Variants in SYCP2 observed in about 807,000 individuals in gnomAD.
SYCP2 encodes the protein synaptonemal complex protein 2.
A neutral mutation model predicts 211.3 loss-of-function variants in SYCP2; 55 were observed. That is an observed-to-expected ratio of 0.26 (90% CI 0.21 to 0.33). The LOEUF (loss-of-function observed/expected upper bound fraction) is 0.33. SYCP2 is among the 10% of genes least tolerant of loss of function. SYCP2 has a pLI of 1.00. For missense variants in SYCP2, 1,731 were observed against 1,752.0 expected (o/e 0.99, Z 0.21); for synonymous variants, 570 against 555.2 (o/e 1.03, Z -0.37).
At position 59,882,175 on chromosome 20, in the gene SYCP2, G is replaced by C. The variant is rs1209268939; in HGVS notation, c.2530-10C>G. 6.2e-7 allele frequency: 1 copy of C among 1,600,294 alleles called. No individual in the cohort carries two copies. Among genetic ancestry groups the C allele is most frequent in the Non-Finnish European group, 8.5e-7 (1 of 1,169,860 alleles). On this transcript the variant is annotated splice_polypyrimidine_tract_variant and intron_variant, in intron 26 of 44. Transcript: ENST00000357552. ...TTTTCTGAACTTTTTCCTGAAAAGA[G>C]GGTTATAAAAAAATCATTAAATGGC...
At chr20:59,900,047 A>G in intron 18 of SYCP2, 91 bp downstream of exon 18, 1 of 1,346,460 alleles carries the variant, frequency 7.4e-7, no homozygotes, top group Non-Finnish European at 1.1e-6. Context: ...CCAATAATAT[A>G]TAAATTCTAG....
At position 59,890,444 on chromosome 20, in the gene SYCP2, T is replaced by G. The variant is rs138111292; in HGVS notation, c.2364+1546A>C. On this transcript the variant is annotated intron_variant, in intron 24 of 44. Coordinates refer to ENST00000357552, the MANE Select transcript of SYCP2 (RefSeq NM_014258.4). The stretch of plus-strand genomic sequence containing the variant: ...GGATAGCATTAGGAGAAATACCTAA[T>G]GTAGATGATGGGTTGATGGGTGCTG... 7.3e-3 allele frequency among the ~76,000 whole-genome samples: 1,115 copies of G among 152,212 alleles called. 18 individuals are homozygous for G. Among genetic ancestry groups the G allele is most frequent in the African/African-American group, 0.025 (1,054 of 41,520 alleles).
chr20:59,922,333 T>C, intron 3 of SYCP2, 57 bp downstream of exon 3: 3 of 1,509,702 alleles, frequency 2.0e-6, no homozygotes, highest in Non-Finnish European at 2.7e-6. Context: ...TACCTATAAG[T>C]AAACAAAAAG....
Position 59,882,092 on chromosome 20 carries a change from T to C in SYCP2, c.2600+3A>G. The C allele has an allele frequency of 6.2e-7, 1 of 1,612,150 alleles. No individual in the cohort carries two copies. Among genetic ancestry groups the C allele is most frequent in the Non-Finnish European group, 8.5e-7 (1 of 1,178,904 alleles). ...AATGAAAAATATTACAAAAAATACT[T>C]ACACTGGGCATTCAGAAGTAACATT... On this transcript the variant is annotated splice_donor_region_variant and intron_variant, in intron 27 of 44. Transcript: ENST00000357552.
At chr20:59,921,987 C>T (rs2060550610) in intron 3 of SYCP2, among the ~76,000 whole-genome samples, 1 of 151,582 alleles carries the variant, frequency 6.6e-6, no homozygotes, top group Non-Finnish European at 1.5e-5. Context: ...AACAAATGTT[C>T]ATACTACAAC....
chr20:59,874,488 A>C (rs1274255135), intron 34 of SYCP2, among the ~76,000 whole-genome samples: 3 of 152,064 alleles, frequency 2.0e-5, no homozygotes, highest in African/African-American at 7.2e-5. Flanking sequence ...TGCTGGAATA[A>C]ATCTTAATAT....
Position 59,865,728 on chromosome 20 carries a change from TTTTAA to T in SYCP2, c.4379+74_4379+78del, listed in dbSNP as rs2059318989. 5 of 1,080,182 alleles carry T rather than the reference TTTTAA, an allele frequency of 4.6e-6. No homozygotes were observed. In the South Asian group the frequency reaches 7.7e-5, roughly 17 times the overall value. The allele number at this position is 1,080,182 out of a possible 1,614,324, so 66.9% of individuals were successfully genotyped here. A position where few individuals can be genotyped will look rare whatever the true frequency, so the allele number is the denominator to read the frequency against. On this transcript the variant is annotated intron_variant, in intron 42 of 44. Coordinates refer to ENST00000357552, the MANE Select transcript of SYCP2 (RefSeq NM_014258.4). ...GAGTGCTATAATATAGTATATATAA[TTTTAA>T]TTTTTCAAATAGAAATTTATTAATT... is the stretch of plus-strand genomic sequence containing the variant.
chr20:59,907,246 AC>A lies in SYCP2; in HGVS notation c.1033+117del, dbSNP rs551558558. ...GTGTTTGATGAATTTCTGAATGTGA[AC>A]CTCTGAAAATATTGATTTTGCTTTC... On this transcript the variant is annotated intron_variant, in intron 15 of 44. Coordinates refer to ENST00000357552, the MANE Select transcript of SYCP2 (RefSeq NM_014258.4). 7 of 675,364 alleles carry A rather than the reference AC, an allele frequency of 1.0e-5. No individual in the cohort carries two copies. In the East Asian group the frequency reaches 2.0e-4, roughly 19 times the overall value. The allele number at this position is 675,364 out of a possible 1,614,324, so 41.8% of individuals were successfully genotyped here.
chr20:59,913,071 C>T (rs1475735022), intron 12 of SYCP2, among the ~76,000 whole-genome samples: 5 of 152,160 alleles, frequency 3.3e-5, no homozygotes, highest in African/African-American at 1.2e-4. Flanking sequence ...CAAATATGAG[C>T]AGAGTTTCCT....
In SYCP2 at chr20:59,882,126, T is replaced by C. The variant is rs200626576; in HGVS notation, c.2569A>G (p.Thr857Ala). The change falls in exon 27 of 45, where the codon ACC (threonine) becomes GCC (alanine). Residue 857 changes from threonine to alanine, a missense_variant. This residue lies in a region of SYCP2 where 1,387 missense variants were observed against 1,351.3 expected (regional missense o/e 1.03). Transcript: ENST00000357552. ...QKKSYRKLKTTFVNVTSECPV... is the reference protein window; with the variant it reads ...QKKSYRKLKTAFVNVTSECPV... The stretch of plus-strand genomic sequence containing the variant: ...CATTCAGAAGTAACATTAACAAAGG[T>C]AGTCTTCAGTTTTCTGTAGCTTTTT... The C allele has an allele frequency of 3.7e-4, 589 of 1,612,812 alleles. 2 individuals are homozygous for C. The highest frequency in any genetic ancestry group is 7.6e-5 in the Non-Finnish European group (90 of 1,179,454).
At chr20:59,886,053 A>G in intron 25 of SYCP2, 89 bp from the exon 26 acceptor site, 1 of 997,372 alleles carries the variant, frequency 1.0e-6, no homozygotes. Flanking sequence ...TTTGTCACTA[A>G]ATTTATATTC....
chr20:59,911,054 A>C (rs2060313431), intron 14 of SYCP2, among the ~76,000 whole-genome samples: 1 of 152,210 alleles, frequency 6.6e-6, no homozygotes, highest in Non-Finnish European at 1.5e-5. Flanking sequence ...GACTAAAAAG[A>C]CTAAAGCCTT....
Position 59,873,986 on chromosome 20 carries a change from T to C in SYCP2, c.3425A>G (p.Lys1142Arg). ...ATTTAAGGATTCAAGTGATGAAGTT[T>C]TTGGATAAGGTGATATAGATTTTGT... is the stretch of plus-strand genomic sequence containing the variant. ...CITKSISPYP[K>R]TSSLESLNSN... Residue 1142 changes from lysine to arginine, a missense_variant, in exon 35 of 45, where the codon AAA becomes AGA. By Grantham distance (26) the Lys-to-Arg change is conservative (BLOSUM62 2). Around this residue, in one of 3 missense-constraint regions of SYCP2, gnomAD observed 1,387 missense variants for 1,351.3 expected, o/e 1.03. Transcript: ENST00000357552. The C allele has an allele frequency of 1.2e-6, 2 of 1,613,208 alleles. No individual in the cohort carries two copies. Among genetic ancestry groups the C allele is most frequent in the Non-Finnish European group, 1.7e-6 (2 of 1,179,526 alleles).
chr20:59,864,743 C>G (rs184206782), intron 44 of SYCP2, among the ~76,000 whole-genome samples: 66 of 152,140 alleles, frequency 4.3e-4, no homozygotes, highest in African/African-American at 1.5e-3. Flanking sequence ...AGCTTAGCCA[C>G]AACATCTTGA....
chr20:59,900,954 T>C (rs755796532), intron 16 of SYCP2, 136 bp from the exon 17 acceptor site: 18 of 661,896 alleles, frequency 2.7e-5, no homozygotes, highest in Non-Finnish European at 4.3e-5. Flanking sequence ...ATTATTACTT[T>C]GCATATATGA....
chr20:59,866,990 A>G (rs183379857), intron 39 of SYCP2, among the ~76,000 whole-genome samples: 4 of 140,614 alleles, frequency 2.8e-5, no homozygotes, highest in Admixed American at 2.2e-4. Context: ...AAGCTTCTCT[A>G]TTCAGATTAG....
At chr20:59,896,406 T>C (rs929517572) in intron 19 of SYCP2, 23 bp downstream of exon 19, 2 of 1,293,428 alleles carry the variant, frequency 1.5e-6, no homozygotes, top group Non-Finnish European at 2.2e-6. Context: ...TTGTTAGAAA[T>C]CTTTTAAAAC....
At chr20:59,887,666 G>C (rs999499436) in intron 24 of SYCP2, among the ~76,000 whole-genome samples, 2 of 150,686 alleles carry the variant, frequency 1.3e-5, no homozygotes, top group Non-Finnish European at 3.0e-5. Flanking sequence ...CCTGTTAACA[G>C]AACTGTACAG....
chr20:59,925,331 T>C (rs2060614645), intron 2 of SYCP2, among the ~76,000 whole-genome samples: 1 of 152,070 alleles, frequency 6.6e-6, no homozygotes, highest in Admixed American at 6.6e-5. Context: ...GCAACAAACC[T>C]GCACATCTTG....
Sources: allele counts gnomAD v4.1 joint callset (sites outside exome capture counted in the v4.1 genomes callset), GRCh38; gene constraint gnomAD v4.1.1; regional missense constraint gnomAD v4.1.1; transcripts MANE v1.5; gene names NCBI Gene and HGNC (gene_info 2026-07-23, HGNC 2026-07-21).